Variants in ST8SIA6 observed in about 807,000 individuals in gnomAD.
The protein encoded by ST8SIA6 is ST8 alpha-N-acetyl-neuraminide alpha-2,8-sialyltransferase 6.
A neutral mutation model predicts 33.6 loss-of-function variants in ST8SIA6; 39 were observed. That is an observed-to-expected ratio of 1.16 (90% CI 0.90 to 1.52). The LOEUF (loss-of-function observed/expected upper bound fraction) is 1.52, where lower values mean the gene tolerates loss of function less well. Among genes scored for constraint, ST8SIA6 ranks in the 40% most tolerant of loss-of-function variants. The pLI, the probability that ST8SIA6 is intolerant of heterozygous loss-of-function variation, is 0.00. For synonymous variants in ST8SIA6, 172 were observed against 167.2 expected, an observed-to-expected ratio of 1.03 and a Z score of -0.22; for missense variants, 441 against 443.8, an observed-to-expected ratio of 0.99 and a Z score of 0.06.
At chr10:17,366,524 G>A (rs1564424619) in intron 3 of ST8SIA6, among the ~76,000 whole-genome samples, 3 of 151,854 alleles carry the variant, frequency 2.0e-5, no homozygotes, top group Admixed American at 1.3e-4. Context: ...TACTTAAGAT[G>A]TGCTAGGAAA....
chr10:17,390,599 C>G lies in ST8SIA6; in HGVS notation c.222G>C (p.Ser74=). The part of the protein sequence containing the change: ...ATNSTYLNEK[S]LQLTEKCKNL... ...TTTTGCATTTCTCCGTCAGTTGGAG[C>G]GACTTCTCATTCAGATATGTGCTGT... The change falls in exon 3 of 8, where the codon TCG becomes TCC. Residue 74 remains serine, a synonymous_variant. Coordinates refer to ENST00000377602, the MANE Select transcript of ST8SIA6 (RefSeq NM_001004470.3). The G allele has an allele frequency of 6.2e-7, 1 of 1,613,436 alleles. No individual in the cohort carries two copies. The highest frequency in any genetic ancestry group is 8.5e-7 in the Non-Finnish European group (1 of 1,179,636).
chr10:17,440,499 C>A (rs1302988949), intron 2 of ST8SIA6, among the ~76,000 whole-genome samples: 1 of 152,166 alleles, frequency 6.6e-6, no homozygotes, highest in Non-Finnish European at 1.5e-5. Flanking sequence ...AGCCACCGCA[C>A]CCAGCCTCAA....
At chr10:17,401,457 G>A (rs1193536875) in intron 2 of ST8SIA6, among the ~76,000 whole-genome samples, 1 of 152,110 alleles carries the variant, frequency 6.6e-6, no homozygotes, top group East Asian at 1.9e-4. Context: ...AACCAAAAAC[G>A]AGCCCGCATT....
chr10:17,429,632 A>G (rs1403123270), intron 2 of ST8SIA6, among the ~76,000 whole-genome samples: 1 of 151,574 alleles, frequency 6.6e-6, no homozygotes. Context: ...CTACAGGTGC[A>G]TGCCACCGTG....
intron 2 of ST8SIA6, among the ~76,000 whole-genome samples, chr10:17,391,257 T>A (rs181908574): frequency 0.013 from 2,032 of 151,906 alleles, 27 homozygotes; most frequent in Non-Finnish European, 0.022. Flanking sequence ...TATTTTATTT[T>A]TATTTATTTA....
chr10:17,333,709 ATATATATATTTTTTTTT>A (rs1848398961), intron 4 of ST8SIA6, among the ~76,000 whole-genome samples: 1 of 26,086 alleles, frequency 3.8e-5, no homozygotes, highest in Non-Finnish European at 6.0e-5. Context: ...ATATATATAT[ATATATATATTTTTTTTT>A]TTTTTTTTTT....
chr10:17,321,428 C>T, intron 7 of ST8SIA6, 82 bp from the exon 8 acceptor site: 1 of 1,170,660 alleles, frequency 8.5e-7, no homozygotes, highest in South Asian at 1.6e-5. Flanking sequence ...CTGAATTTAC[C>T]ATTGGTCAAA....
intron 6 of ST8SIA6, among the ~76,000 whole-genome samples, chr10:17,324,517 A>G (rs1447968053): frequency 2.6e-5 from 4 of 152,038 alleles, no homozygotes; most frequent in African/African-American, 9.7e-5. Context: ...CTGAATAATC[A>G]AAAGTGATTT....
At chr10:17,402,675 C>G (rs1479317473) in intron 2 of ST8SIA6, among the ~76,000 whole-genome samples, 1 of 151,408 alleles carries the variant, frequency 6.6e-6, no homozygotes, top group African/African-American at 2.4e-5. Context: ...ATCGCAAGAA[C>G]AAAAAACCAA....
chr10:17,404,892 C>T (rs1229098770), intron 2 of ST8SIA6, among the ~76,000 whole-genome samples: 1 of 152,162 alleles, frequency 6.6e-6, no homozygotes, highest in Non-Finnish European at 1.5e-5. Context: ...AGCTATTTTG[C>T]AATTCTATAA....
intron 2 of ST8SIA6, among the ~76,000 whole-genome samples, chr10:17,397,681 G>A (rs1850864495): frequency 6.6e-6 from 1 of 152,064 alleles, no homozygotes; most frequent in Non-Finnish European, 1.5e-5. Context: ...CCATTAATTG[G>A]TACACATTTC....
chr10:17,333,696 T>TAG (rs1848385842), intron 4 of ST8SIA6, among the ~76,000 whole-genome samples: 2 of 24,758 alleles, frequency 8.1e-5, no homozygotes, highest in Admixed American at 4.8e-4. Flanking sequence ...TATATATATA[T>TAG]ATATATATAT....
At chr10:17,386,043 T>C in intron 3 of ST8SIA6, among the ~76,000 whole-genome samples, 1 of 152,120 alleles carries the variant, frequency 6.6e-6, no homozygotes, top group African/African-American at 2.4e-5. Context: ...TAGCCAGCCA[T>C]GGTGGCACGC....
At chr10:17,363,111 C>G (rs531396271) in intron 3 of ST8SIA6, among the ~76,000 whole-genome samples, 1 of 152,182 alleles carries the variant, frequency 6.6e-6, no homozygotes, top group Non-Finnish European at 1.5e-5. Flanking sequence ...AAACTTCCCT[C>G]AGTACTGACT....
chr10:17,448,202 G>A lies in ST8SIA6; in HGVS notation c.200+5357C>T, dbSNP rs147680310. On this transcript the variant is annotated intron_variant, in intron 2 of 7. Transcript: ENST00000377602. ...AGGAAAGGGAGAGAAAGGCCATTAA[G>A]ATAAATAGCAGGCGAACCTCTATAG... Among the ~76,000 whole-genome samples the A allele has an allele frequency of 2.2e-4, 34 of 152,318 alleles. No individual in the cohort carries two copies. The East Asian group carries it at 6.4e-3, about 29-fold the overall frequency.
In ST8SIA6 at chr10:17,381,209, C is replaced by A. The variant is rs377707439; in HGVS notation, c.290+9322G>T. On this transcript the variant is annotated intron_variant, in intron 3 of 7. Coordinates refer to ENST00000377602, the MANE Select transcript of ST8SIA6 (RefSeq NM_001004470.3). ...TACCACCAGACTTATTCTCTCTATA[C>A]CTTATGATGTAAATTTTGCTATTTG... 1.4e-3 allele frequency among the ~76,000 whole-genome samples: 219 copies of A among 152,106 alleles called. 1 individual carries two copies. The highest frequency in any genetic ancestry group is 5.2e-3 in the African/African-American group (216 of 41,492).
At chr10:17,403,535 CAATT>C (rs1458868359) in intron 2 of ST8SIA6, 7 of 152,274 alleles carry the variant, frequency 4.6e-5, no homozygotes, top group East Asian at 3.9e-4. Flanking sequence ...TGAGTTATCT[CAATT>C]GATTGTTCAC....
At chr10:17,355,107 C>T (rs952452832) in intron 4 of ST8SIA6, among the ~76,000 whole-genome samples, 1 of 152,264 alleles carries the variant, frequency 6.6e-6, no homozygotes, top group African/African-American at 2.4e-5. Context: ...CTTGGAGAAG[C>T]CCTATCTCTT....
chr10:17,407,284 G>A (rs575911583), intron 2 of ST8SIA6, among the ~76,000 whole-genome samples: 1 of 152,284 alleles, frequency 6.6e-6, no homozygotes, highest in South Asian at 2.1e-4. Flanking sequence ...GGAACTTGGG[G>A]CGGCCCCTGT....
Sources: gnomAD v4.1 joint callset for allele counts (sites outside exome capture counted in the v4.1 genomes callset) on GRCh38, gnomAD v4.1.1 for gene constraint, MANE v1.5 for transcripts, NCBI Gene and HGNC (gene_info 2026-07-23, HGNC 2026-07-21) for gene names.